The following FYB1 variants were observed in gnomAD, a reference collection of about 807,000 sequenced individuals.
FYB1 encodes FYN binding protein 1, also known as FYN-binding protein 1.
A neutral mutation model predicts 94.1 loss-of-function variants in FYB1; 41 were observed. The observed-to-expected ratio is 0.44, with a 90% CI of 0.34 to 0.57. The LOEUF is 0.57. FYB1 is among the 20% of genes least tolerant of loss of function. The probability of loss-of-function intolerance (pLI) is 0.02; values close to 1 mark genes in which losing one functional copy is unlikely to be tolerated. For synonymous variants in FYB1, 367 were observed against 353.2 expected (o/e 1.04, Z -0.44); for missense variants, 1,050 against 976.8 (o/e 1.07, Z -1.00).
At chr5:39,188,538 C>T (rs1404518013) in intron 2 of FYB1, among the ~76,000 whole-genome samples, 2 of 115,532 alleles carry the variant, frequency 1.7e-5, no homozygotes, top group East Asian at 4.8e-4. Context: ...TCAACTACAG[C>T]ACTTTTTTTT....
chr5:39,223,687 T>C (rs573973908), upstream of FYB1, among the ~76,000 whole-genome samples: 65 of 152,310 alleles, frequency 4.3e-4, no homozygotes, highest in African/African-American at 1.5e-3. Context: ...AGCTCATTCT[T>C]TGTGGACGTA....
At position 39,105,713 on chromosome 5, in the gene FYB1, C is replaced by T. The variant is rs954995006; in HGVS notation, c.*1730G>A. ...TATATTTATTACCAAATTTAATAAACAAAAACCACTTTTGAACCAGGTAAT... is the reference window on the plus strand; with the variant it reads ...TATATTTATTACCAAATTTAATAAATAAAAACCACTTTTGAACCAGGTAAT... On this transcript the variant is annotated 3_prime_UTR_variant, in exon 19 of 19. Transcript: ENST00000512982. 2 of 151,968 alleles carry T rather than the reference C, an allele frequency of 1.3e-5. No individual in the cohort carries two copies. Among genetic ancestry groups the T allele is most frequent in the Non-Finnish European group, 1.5e-5 (1 of 68,002 alleles). 9.4% of individuals were successfully genotyped at this position (151,968 alleles called of 1,614,324 possible). A position where few individuals can be genotyped will look rare whatever the true frequency, so the allele number is the denominator to read the frequency against.
intron 1 of FYB1, among the ~76,000 whole-genome samples, chr5:39,229,503 C>T (rs79107177): frequency 0.01 from 1,539 of 152,162 alleles, 20 homozygotes; most frequent in African/African-American, 0.032. Context: ...CTGACCAAGG[C>T]GGGTGAGTTG....
intron 2 of FYB1, among the ~76,000 whole-genome samples, chr5:39,189,760 C>T (rs1316080525): frequency 6.6e-6 from 1 of 152,240 alleles, no homozygotes; most frequent in African/African-American, 2.4e-5. Flanking sequence ...GCTCAAGGTG[C>T]AATGTAAACC....
rs75518665 is a variant in FYB1 at position 39,135,308 on chromosome 5, A to G, written c.1516-294T>C. Among the ~76,000 whole-genome samples the G allele has an allele frequency of 2.5e-4, 38 of 152,350 alleles. No individual in the cohort carries two copies. The East Asian group carries it at 6.6e-3, about 26-fold the overall frequency. Reference sequence around the variant, plus strand: ...AAGAGGCCTGCAAAGGCAGCCCCCAATAACTGAACAGCGTTTATGTACAAC... The same window carrying G: ...AAGAGGCCTGCAAAGGCAGCCCCCAGTAACTGAACAGCGTTTATGTACAAC... On this transcript the variant is annotated intron_variant, in intron 7 of 18. Transcript: ENST00000512982.
intron 3 of FYB1, among the ~76,000 whole-genome samples, chr5:39,148,155 TTATATATATATA>T (rs10528848): frequency 0.066 from 2,478 of 37,536 alleles, 132 homozygotes; most frequent in South Asian, 0.081. Context: ...TATGTATTTT[TTATATATATATA>T]TATATATATA....
chr5:39,115,385 G>A (rs748414475), intron 16 of FYB1, among the ~76,000 whole-genome samples: 5 of 152,056 alleles, frequency 3.3e-5, no homozygotes, highest in Non-Finnish European at 7.4e-5. Context: ...ATGAGCTACC[G>A]TGGCTGGCCA....
At chr5:39,137,247 AG>A (rs532482269) in intron 7 of FYB1, among the ~76,000 whole-genome samples, 51 of 152,316 alleles carry the variant, frequency 3.3e-4, no homozygotes, top group African/African-American at 1.2e-3. Flanking sequence ...TACATACCAC[AG>A]GGATATTTAT....
At chr5:39,176,915 A>G (rs1177695594) in intron 2 of FYB1, among the ~76,000 whole-genome samples, 1 of 152,206 alleles carries the variant, frequency 6.6e-6, no homozygotes, top group Non-Finnish European at 1.5e-5. Flanking sequence ...GATAGGCAGG[A>G]GCAAAAACAG....
intron 1 of FYB1, among the ~76,000 whole-genome samples, chr5:39,256,278 A>T (rs916484894): frequency 6.6e-6 from 1 of 152,176 alleles, no homozygotes; most frequent in Non-Finnish European, 1.5e-5. Flanking sequence ...CAAAAGGGAG[A>T]CCTAGCATCA....
intron 3 of FYB1, 116 bp from the exon 4 acceptor site, chr5:39,141,257 A>C: frequency 1.3e-6 from 1 of 748,474 alleles, no homozygotes; most frequent in South Asian, 1.7e-5. Context: ...CTTTGCTCTG[A>C]TTTAAAGCTT....
intron 1 of FYB1, among the ~76,000 whole-genome samples, chr5:39,226,670 G>T (rs1164887403): frequency 6.6e-6 from 1 of 152,148 alleles, no homozygotes; most frequent in Non-Finnish European, 1.5e-5. Context: ...CAGGGGTAGA[G>T]TTCACTTTCT....
chr5:39,122,471 T>C, intron 13 of FYB1, 69 bp from the exon 14 acceptor site: 2 of 906,544 alleles, frequency 2.2e-6, no homozygotes, highest in Non-Finnish European at 3.5e-6. Context: ...CATTCAATGA[T>C]GTTTTTAATA....
At chr5:39,138,385 T>A (rs1264994507) in intron 6 of FYB1, 2 of 306,232 alleles carry the variant, frequency 6.5e-6, no homozygotes. Flanking sequence ...GAGTAAGAAA[T>A]CAGATTTCTG....
intron 16 of FYB1, 102 bp downstream of exon 16, chr5:39,118,772 G>T: frequency 1.5e-6 from 1 of 685,634 alleles, no homozygotes; most frequent in East Asian, 3.0e-5. Flanking sequence ...CAAAAAGATA[G>T]ATAAGAGTTA....
chr5:39,119,043 A>G lies in FYB1; in HGVS notation c.2239-7T>C, dbSNP rs1473197873. On this transcript the variant is annotated splice_polypyrimidine_tract_variant and splice_region_variant and intron_variant, in intron 15 of 18. Coordinates refer to ENST00000512982, the MANE Select transcript of FYB1 (RefSeq NM_001465.6). ...CTCTAATTTCACCATCATACTAAAA[A>G]AAAAAGAACAATATTTAAATTATTG... 8.1e-7 allele frequency: 1 copy of G among 1,237,966 alleles called. No individual in the cohort carries two copies. The highest frequency in any genetic ancestry group is 1.1e-6 in the Non-Finnish European group (1 of 922,278). The allele number at this position is 1,237,966 out of a possible 1,614,324, so 76.7% of individuals were successfully genotyped here.
At chr5:39,219,854 C>T (rs1750152336), upstream of FYB1, among the ~76,000 whole-genome samples, 1 of 152,208 alleles carries the variant, frequency 6.6e-6, no homozygotes, top group Admixed American at 6.5e-5. Context: ...GACCCATAAT[C>T]TTTCCACACA....
rs572535558 is a variant in FYB1 at position 39,182,755 on chromosome 5, C to G, written c.1135+19071G>C. On this transcript the variant is annotated intron_variant, in intron 2 of 18. Transcript: ENST00000512982. Reference sequence around the variant, plus strand: ...GCCCAGTGGAGGCAGAGGAGTTAGTCTCTCCTTGTGCTACTACTTTCCCTA... The same window carrying G: ...GCCCAGTGGAGGCAGAGGAGTTAGTGTCTCCTTGTGCTACTACTTTCCCTA... Among the ~76,000 whole-genome samples the G allele has an allele frequency of 5.9e-5, 9 of 152,256 alleles. No individual in the cohort carries two copies. The South Asian group carries it at 1.9e-3, about 32-fold the overall frequency.
intron 1 of FYB1, among the ~76,000 whole-genome samples, chr5:39,226,157 C>T (rs922064936): frequency 6.6e-6 from 1 of 152,194 alleles, no homozygotes; most frequent in African/African-American, 2.4e-5. Flanking sequence ...CTTTCTCTGA[C>T]TTACATGTTC....
Sources: gnomAD v4.1 joint callset for allele counts (sites outside exome capture counted in the v4.1 genomes callset) on GRCh38, gnomAD v4.1.1 for gene constraint, MANE v1.5 for transcripts, NCBI Gene and HGNC (gene_info 2026-07-23, HGNC 2026-07-21) for gene names.